The following CORIN variants were observed in gnomAD, a reference collection of about 807,000 sequenced individuals.
CORIN encodes the protein atrial natriuretic peptide-converting enzyme.
A neutral mutation model predicts 125.3 loss-of-function variants in CORIN; 117 were observed. The ratio of observed to expected loss-of-function variants is 0.93; its 90% CI spans 0.80 to 1.09. The LOEUF (loss-of-function observed/expected upper bound fraction) is 1.09. CORIN is among the 50% of genes least tolerant of loss of function. The pLI, the probability that CORIN is intolerant of heterozygous loss-of-function variation, is 0.00. For missense variants in CORIN, 1,253 were observed against 1,306.7 expected (o/e 0.96, Z 0.63); for synonymous variants, 450 against 466.4 (o/e 0.96, Z 0.45).
chr4:47,740,523 CA>C (rs1415568010), intron 5 of CORIN, among the ~76,000 whole-genome samples: 1 of 151,874 alleles, frequency 6.6e-6, no homozygotes, highest in Admixed American at 6.6e-5. Context: ...TCTATTTGAT[CA>C]AATATTAGTA....
intron 3 of CORIN, among the ~76,000 whole-genome samples, chr4:47,774,688 C>T (rs565488843): frequency 6.6e-6 from 1 of 152,262 alleles, no homozygotes; most frequent in Non-Finnish European, 1.5e-5. Flanking sequence ...CTAGTATTTT[C>T]TGAGTTCTTA....
At chr4:47,787,450 G>C (rs1488215156) in intron 2 of CORIN, among the ~76,000 whole-genome samples, 1 of 150,748 alleles carries the variant, frequency 6.6e-6, no homozygotes, top group Non-Finnish European at 1.5e-5. Flanking sequence ...AGTAAACTAT[G>C]CATCACACAC....
Position 47,763,422 on chromosome 4 carries a change from A to C in CORIN, c.574T>G (p.Cys192Gly), listed in dbSNP as rs778772757. The C allele has an allele frequency of 1.2e-6, 2 of 1,614,036 alleles. No homozygotes were observed. Among genetic ancestry groups the C allele is most frequent in the Non-Finnish European group, 1.7e-6 (2 of 1,180,028 alleles). ...SCYQHIMLFG[C>G]TLAFPECIID... is the part of the protein sequence containing the mutation. ...ATGCACTCAGGGAAGGCGAGGGTAC[A>C]GCCAAACAGCATGATATGTTGATAG... Residue 192 changes from cysteine to glycine, a missense_variant, in exon 4 of 22, where the codon TGT becomes GGT. Cys to Gly is a radical substitution (Grantham distance 159, BLOSUM62 -3). Coordinates refer to ENST00000273857, the MANE Select transcript of CORIN (RefSeq NM_006587.4).
At position 47,765,332 on chromosome 4, in the gene CORIN, C is replaced by A. The variant is rs1406880802; in HGVS notation, c.410-1746G>T. On this transcript the variant is annotated intron_variant, in intron 3 of 21. Coordinates refer to ENST00000273857, the MANE Select transcript of CORIN (RefSeq NM_006587.4). The stretch of plus-strand genomic sequence containing the variant: ...TCCCCCAAAAAAAAAAAAAAAGAAT[C>A]CTAGGAATTTTCCCATATTAGCATT... Among the ~76,000 whole-genome samples the A allele has an allele frequency of 2.0e-5, 3 of 151,642 alleles. No homozygotes were observed. The East Asian group carries it at 5.8e-4, about 29-fold the overall frequency.
chr4:47,765,673 G>T (rs1729700066), intron 3 of CORIN, among the ~76,000 whole-genome samples: 1 of 152,182 alleles, frequency 6.6e-6, no homozygotes, highest in African/African-American at 2.4e-5. Flanking sequence ...CACCAACAGA[G>T]AACAGTGTCA....
intron 13 of CORIN, 107 bp from the exon 14 acceptor site, chr4:47,645,301 C>T (rs754312906): frequency 1.9e-5 from 12 of 648,298 alleles, no homozygotes; most frequent in Non-Finnish European, 3.0e-5. Flanking sequence ...GTTGGCAGGG[C>T]GCAGTGGCTC....
intron 5 of CORIN, among the ~76,000 whole-genome samples, chr4:47,704,857 A>G (rs1255701070): frequency 6.6e-6 from 1 of 152,008 alleles, no homozygotes. Context: ...TTTCCACTTG[A>G]CAAAAGGGTA....
intron 5 of CORIN, chr4:47,706,326 C>T: frequency 1.4e-6 from 2 of 1,424,110 alleles, no homozygotes; most frequent in Non-Finnish European, 1.9e-6. Flanking sequence ...AAGAAAACTA[C>T]CAACTTTTGC....
chr4:47,637,577 A>G (rs1723076073), intron 16 of CORIN, among the ~76,000 whole-genome samples: 1 of 152,226 alleles, frequency 6.6e-6, no homozygotes, highest in Admixed American at 6.5e-5. Context: ...GCCAAGGTAC[A>G]GCTCAGGATG....
intron 1 of CORIN, among the ~76,000 whole-genome samples, chr4:47,835,426 T>C (rs1464159913): frequency 6.6e-6 from 1 of 152,160 alleles, no homozygotes; most frequent in Non-Finnish European, 1.5e-5. Flanking sequence ...AGAGCTCTTA[T>C]TACCCCAGCA....
chr4:47,743,598 C>T (rs948287433), intron 5 of CORIN, among the ~76,000 whole-genome samples: 5 of 152,178 alleles, frequency 3.3e-5, no homozygotes, highest in African/African-American at 9.7e-5. Flanking sequence ...TAAAGACAGG[C>T]ACAAGAGGCT....
intron 9 of CORIN, 85 bp downstream of exon 9, chr4:47,677,853 C>T (rs1223071499): frequency 1.0e-6 from 1 of 959,898 alleles, no homozygotes; most frequent in Non-Finnish European, 1.7e-6. Context: ...GGGAATCCTA[C>T]TTAAGCAACT....
chr4:47,757,137 A>C (rs1729185448), intron 4 of CORIN, among the ~76,000 whole-genome samples: 1 of 152,100 alleles, frequency 6.6e-6, no homozygotes, highest in Non-Finnish European at 1.5e-5. Context: ...AAAATAATGA[A>C]ATATAAAAGA....
chr4:47,687,990 A>G (rs1725593648), intron 6 of CORIN, among the ~76,000 whole-genome samples: 2 of 152,150 alleles, frequency 1.3e-5, no homozygotes, highest in African/African-American at 4.8e-5. Flanking sequence ...TTTGTTTAGC[A>G]GCATCTCTGG....
At chr4:47,749,616 C>A (rs1206718072) in intron 4 of CORIN, among the ~76,000 whole-genome samples, 1 of 152,174 alleles carries the variant, frequency 6.6e-6, no homozygotes, top group Non-Finnish European at 1.5e-5. Flanking sequence ...CCCATAGCAA[C>A]TGTATAATAA....
chr4:47,757,901 T>TAC lies in CORIN; in HGVS notation c.617+5477_617+5478insGT, dbSNP rs1469045442. ...ATGTATATATATATATATATATATA[T>TAC]ATATACACAAATATACACATATATA... is the stretch of plus-strand genomic sequence containing the variant. On this transcript the variant is annotated intron_variant, in intron 4 of 21. Coordinates refer to ENST00000273857, the MANE Select transcript of CORIN (RefSeq NM_006587.4). Among the ~76,000 whole-genome samples the TAC allele has an allele frequency of 7.7e-5, 11 of 143,374 alleles. No individual in the cohort carries two copies. In the East Asian group the frequency reaches 2.2e-3, roughly 29 times the overall value. The allele number at this position is 143,374 out of a possible 152,430, so 94.1% of individuals were successfully genotyped here.
intron 13 of CORIN, 134 bp from the exon 14 acceptor site, chr4:47,645,328 C>T: frequency 1.9e-6 from 1 of 540,410 alleles, no homozygotes; most frequent in Non-Finnish European, 3.3e-6. Context: ...GTAATCCCAG[C>T]ACTTTGGGAG....
intron 5 of CORIN, among the ~76,000 whole-genome samples, chr4:47,737,654 G>A (rs1369282833): frequency 6.6e-6 from 1 of 152,122 alleles, no homozygotes; most frequent in Non-Finnish European, 1.5e-5. Context: ...TAACACAAAG[G>A]CTGAAGCTTA....
chr4:47,664,406 G>C (rs754322568), intron 11 of CORIN, among the ~76,000 whole-genome samples: 2 of 152,174 alleles, frequency 1.3e-5, no homozygotes, highest in Non-Finnish European at 2.9e-5. Context: ...CCGAGGCTGA[G>C]AGAGACTCAG....
Sources: gnomAD v4.1 joint callset for allele counts (sites outside exome capture counted in the v4.1 genomes callset) on GRCh38, gnomAD v4.1.1 for gene constraint, MANE v1.5 for transcripts, NCBI Gene and HGNC (gene_info 2026-07-23, HGNC 2026-07-21) for gene names.